FRY: variants seen among roughly 807,000 people sequenced by gnomAD.
FRY encodes FRY microtubule binding protein, also known as protein furry homolog.
FRY carries 128 observed loss-of-function variants against 348.4 expected under a neutral mutation model. The observed-to-expected ratio is 0.37, with a 90% CI of 0.32 to 0.43. FRY has a LOEUF of 0.43. Among genes scored for constraint, FRY ranks in the 20% least tolerant of loss-of-function variants. The pLI is 1.00. For missense variants in FRY, 2,736 were observed against 3,695.2 expected, an observed-to-expected ratio of 0.74 and a Z score of 6.73; for synonymous variants, 1,370 against 1,374.7, an observed-to-expected ratio of 1.00 and a Z score of 0.08.
At chr13:32,224,180 A>T (rs1000815663) in intron 36 of FRY, 55 bp from the exon 37 acceptor site, 20 of 1,426,972 alleles carry the variant, frequency 1.4e-5, no homozygotes, top group Middle Eastern at 1.7e-4. Flanking sequence ...TCAAGTAGAG[A>T]AAACAAGTCT....
At chr13:32,093,187 A>T (rs1021860894) in intron 2 of FRY, among the ~76,000 whole-genome samples, 5 of 152,218 alleles carry the variant, frequency 3.3e-5, no homozygotes, top group African/African-American at 4.8e-5. Context: ...CTCTAAAAAA[A>T]TTCTTCTCTA....
At chr13:32,144,874 C>T (rs1440632958) in intron 11 of FRY, among the ~76,000 whole-genome samples, 1 of 152,054 alleles carries the variant, frequency 6.6e-6, no homozygotes, top group African/African-American at 2.4e-5. Flanking sequence ...AGTGGAAGGG[C>T]TATGCTAGAT....
Position 32,111,708 on chromosome 13 carries a change from C to T in FRY, c.325-5626C>T, listed in dbSNP as rs145671062. On this transcript the variant is annotated intron_variant, in intron 3 of 60. Transcript: ENST00000542859. The stretch of plus-strand genomic sequence containing the variant: ...GAAGTACAGGAGCTTCACACTGTGC[C>T]TTCTTGCAGAGGGTTGTGTCCATTT... Among the ~76,000 whole-genome samples, 256 of 152,290 alleles carry T rather than the reference C, an allele frequency of 1.7e-3. 1 individual carries two copies. Among genetic ancestry groups the T allele is most frequent in the African/African-American group, 5.2e-3 (215 of 41,570 alleles).
chr13:32,155,868 G>A (rs753555350), intron 15 of FRY, among the ~76,000 whole-genome samples: 7 of 151,944 alleles, frequency 4.6e-5, no homozygotes, highest in African/African-American at 1.7e-4. Flanking sequence ...AAATATTTTG[G>A]CATTTAAATG....
intron 39 of FRY, 114 bp downstream of exon 39, chr13:32,226,088 C>G (rs1416111525): frequency 1.2e-6 from 1 of 825,240 alleles, no homozygotes; most frequent in Non-Finnish European, 2.1e-6. Flanking sequence ...CTCCAACTTT[C>G]CACGTGGTAA....
intron 16 of FRY, among the ~76,000 whole-genome samples, 180 bp from the exon 17 acceptor site, chr13:32,160,964 A>T (rs1312935112): frequency 6.6e-6 from 1 of 152,192 alleles, no homozygotes; most frequent in Non-Finnish European, 1.5e-5. Context: ...TAAATTACTT[A>T]AAGTTTTATT....
intron 1 of FRY, among the ~76,000 whole-genome samples, chr13:32,058,369 A>G (rs1050574495): frequency 6.6e-6 from 1 of 152,218 alleles, no homozygotes; most frequent in Admixed American, 6.5e-5. Flanking sequence ...CCACATCTAA[A>G]TGAATTCAGA....
chr13:32,181,534 C>T lies in FRY; in HGVS notation c.2997-1443C>T, dbSNP rs910003076. Among the ~76,000 whole-genome samples, 7 of 130,396 alleles carry T rather than the reference C, an allele frequency of 5.4e-5. No homozygotes were observed. The South Asian group carries it at 1.7e-3, about 32-fold the overall frequency. 85.5% of individuals were successfully genotyped at this position (130,396 alleles called of 152,430 possible). On this transcript the variant is annotated intron_variant, in intron 23 of 60. Coordinates refer to ENST00000542859, the MANE Select transcript of FRY (RefSeq NM_023037.3). ...GCTTGAACCCGGGAGGCAGAGGTTG[C>T]AGTGCACTCCAGCCTGGGCAACTGA...
chr13:32,149,953 C>T (rs1247160722), intron 14 of FRY, 119 bp downstream of exon 14: 1 of 707,042 alleles, frequency 1.4e-6, no homozygotes, highest in South Asian at 1.6e-5. Context: ...CTATTTGTTT[C>T]TGTCAATGTC....
At chr13:32,294,831 C>A (rs1889554758) in intron 60 of FRY, among the ~76,000 whole-genome samples, 2 of 152,170 alleles carry the variant, frequency 1.3e-5, no homozygotes, top group South Asian at 4.1e-4. Context: ...TAATTTTTAA[C>A]TAACATTTGA....
At chr13:32,209,237 T>C (rs1884538483) in intron 32 of FRY, 128 bp downstream of exon 32, 2 of 1,060,062 alleles carry the variant, frequency 1.9e-6, no homozygotes, top group South Asian at 2.6e-5. Context: ...ATAGTGGTGA[T>C]GGTTGCACAG....
intron 2 of FRY, among the ~76,000 whole-genome samples, chr13:32,088,233 G>A (rs1246896862): frequency 3.9e-5 from 6 of 152,172 alleles, no homozygotes; most frequent in African/African-American, 1.4e-4. Context: ...TAGAGTAAAA[G>A]TAATTTCATG....
At chr13:32,060,587 G>T (rs1873883117) in intron 1 of FRY, among the ~76,000 whole-genome samples, 1 of 152,160 alleles carries the variant, frequency 6.6e-6, no homozygotes, top group African/African-American at 2.4e-5. Context: ...AGTTCCCAGA[G>T]CAACAGTTTA....
intron 1 of FRY, among the ~76,000 whole-genome samples, chr13:32,033,953 GA>G (rs1280001672): frequency 6.6e-6 from 1 of 152,236 alleles, no homozygotes; most frequent in Non-Finnish European, 1.5e-5. Flanking sequence ...TGTCTGTGTA[GA>G]AGGCAAAGTA....
chr13:32,117,254 G>T, intron 3 of FRY, 80 bp from the exon 4 acceptor site: 2 of 1,286,258 alleles, frequency 1.6e-6, no homozygotes, highest in South Asian at 1.2e-5. Context: ...AGTAGTGCTT[G>T]GGGTTACTTG....
intron 7 of FRY, among the ~76,000 whole-genome samples, chr13:32,130,328 A>G (rs1879276229): frequency 6.6e-6 from 1 of 152,118 alleles, no homozygotes; most frequent in African/African-American, 2.4e-5. Flanking sequence ...GGCTTGAGCC[A>G]CAGCACCCAG....
At chr13:32,243,941 A>T (rs753719425) in intron 46 of FRY, 101 bp from the exon 47 acceptor site, 148 of 1,352,538 alleles carry the variant, frequency 1.1e-4, no homozygotes, top group Non-Finnish European at 1.5e-4. Context: ...AAAATAAAAA[A>T]TAAAAAGGAA....
chr13:32,135,481 T>A (rs181838833), intron 10 of FRY, among the ~76,000 whole-genome samples: 2 of 152,324 alleles, frequency 1.3e-5, no homozygotes, highest in Non-Finnish European at 2.9e-5. Flanking sequence ...GAGAACTTTT[T>A]TCCAATCTGA....
chr13:32,161,524 G>A lies in FRY; in HGVS notation c.1892+273G>A, dbSNP rs142657537. Among the ~76,000 whole-genome samples, 527 of 152,290 alleles carry A rather than the reference G, an allele frequency of 3.5e-3. 3 individuals are homozygous for A. Among genetic ancestry groups the A allele is most frequent in the African/African-American group, 0.012 (504 of 41,550 alleles). On this transcript the variant is annotated intron_variant, in intron 17 of 60. Coordinates refer to ENST00000542859, the MANE Select transcript of FRY (RefSeq NM_023037.3). ...CACAAAAATATACAATACATGATTC[G>A]TGGGTAAGAGATTACTATGGACTGG...
Sources: allele counts gnomAD v4.1 joint callset (sites outside exome capture counted in the v4.1 genomes callset), GRCh38; gene constraint gnomAD v4.1.1; transcripts MANE v1.5; gene names NCBI Gene and HGNC (gene_info 2026-07-23, HGNC 2026-07-21).